Variants in SEMA6D observed in about 807,000 individuals in gnomAD.
SEMA6D encodes semaphorin 6D.
Under a neutral mutation model 106.6 loss-of-function variants are expected in SEMA6D, and 35 were observed. The ratio of observed to expected loss-of-function variants is 0.33; its 90% confidence interval spans 0.25 to 0.44. The LOEUF (loss-of-function observed/expected upper bound fraction) is 0.44, where lower values mean the gene tolerates loss of function less well. SEMA6D is among the 20% of genes least tolerant of loss of function. The pLI is 1.00. For synonymous variants in SEMA6D, 499 were observed against 487.7 expected, an observed-to-expected ratio of 1.02 and a Z score of -0.31; for missense variants, 1,185 against 1,345.9, an observed-to-expected ratio of 0.88 and a Z score of 1.87.
intron 4 of SEMA6D, among the ~76,000 whole-genome samples, chr15:47,696,673 A>C (rs1439395112): frequency 6.6e-6 from 1 of 152,130 alleles, no homozygotes; most frequent in Non-Finnish European, 1.5e-5. Context: ...GGGGATTGTT[A>C]CTTCAATTTT....
intron 3 of SEMA6D, among the ~76,000 whole-genome samples, chr15:47,519,517 G>A (rs542952441): frequency 3.9e-5 from 6 of 152,236 alleles, no homozygotes; most frequent in South Asian, 2.1e-4. Context: ...GTTTTATTCC[G>A]TAAACAACAT....
chr15:47,568,684 G>A (rs1049245568), intron 3 of SEMA6D, among the ~76,000 whole-genome samples: 7 of 152,000 alleles, frequency 4.6e-5, no homozygotes, highest in Middle Eastern at 3.4e-3. Flanking sequence ...AGTGAGTTTC[G>A]TATTTTGTTT....
chr15:47,567,792 A>G (rs898187495), intron 3 of SEMA6D, among the ~76,000 whole-genome samples: 1 of 152,220 alleles, frequency 6.6e-6, no homozygotes, highest in Non-Finnish European at 1.5e-5. Context: ...GGCCTGGGAT[A>G]TGGTAGGCCC....
At chr15:47,282,783 T>G (rs2035186645) in intron 1 of SEMA6D, among the ~76,000 whole-genome samples, 1 of 152,152 alleles carries the variant, frequency 6.6e-6, no homozygotes, top group African/African-American at 2.4e-5. Context: ...GTCTGTGTCT[T>G]TCCTTTGTCA....
At chr15:47,426,031 C>T (rs969432553) in intron 2 of SEMA6D, among the ~76,000 whole-genome samples, 1 of 152,016 alleles carries the variant, frequency 6.6e-6, no homozygotes, top group African/African-American at 2.4e-5. Context: ...CTTAGTTATG[C>T]TCTATATACT....
chr15:47,521,435 C>A (rs768710307), intron 3 of SEMA6D, among the ~76,000 whole-genome samples: 1 of 152,174 alleles, frequency 6.6e-6, no homozygotes, highest in Non-Finnish European at 1.5e-5. Flanking sequence ...AAACTCCTCT[C>A]GGATCTGACT....
chr15:47,436,866 T>C (rs2041727018), intron 2 of SEMA6D, among the ~76,000 whole-genome samples: 1 of 148,026 alleles, frequency 6.8e-6, no homozygotes, highest in African/African-American at 2.5e-5. Flanking sequence ...CCCAGAAGGT[T>C]GAGGTTGCAG....
chr15:47,451,575 T>C (rs2042193984), intron 2 of SEMA6D, among the ~76,000 whole-genome samples: 1 of 151,996 alleles, frequency 6.6e-6, no homozygotes, highest in South Asian at 2.1e-4. Flanking sequence ...AAAGGTTACA[T>C]AGGAGAGCAG....
intron 1 of SEMA6D, among the ~76,000 whole-genome samples, chr15:47,739,144 T>G (rs2080637534): frequency 6.6e-6 from 1 of 152,178 alleles, no homozygotes; most frequent in South Asian, 2.1e-4. Context: ...TAGCCCAGAT[T>G]CACAGGGAGG....
intron 1 of SEMA6D, among the ~76,000 whole-genome samples, chr15:47,369,129 A>G (rs901354280): frequency 6.6e-6 from 1 of 152,226 alleles, no homozygotes; most frequent in Non-Finnish European, 1.5e-5. Flanking sequence ...GTCAGAGGGT[A>G]GGGAAATGAA....
intron 1 of SEMA6D, among the ~76,000 whole-genome samples, chr15:47,387,035 C>T (rs112440001): frequency 2.0e-5 from 3 of 152,038 alleles, no homozygotes; most frequent in South Asian, 4.1e-4. Flanking sequence ...GGCCCTGCTG[C>T]GTGTGGCTCC....
intron 1 of SEMA6D, among the ~76,000 whole-genome samples, chr15:47,375,945 T>C (rs1052537997): frequency 1.3e-5 from 2 of 152,202 alleles, no homozygotes; most frequent in Non-Finnish European, 2.9e-5. Context: ...CAGAATGGGT[T>C]TGAATCCACT....
At chr15:47,511,045 G>T (rs1284229024) in intron 3 of SEMA6D, among the ~76,000 whole-genome samples, 1 of 152,200 alleles carries the variant, frequency 6.6e-6, no homozygotes, top group Non-Finnish European at 1.5e-5. Flanking sequence ...CCTTCTGAAT[G>T]AATGCCAACA....
chr15:47,626,995 G>A (rs536591931), intron 4 of SEMA6D, among the ~76,000 whole-genome samples: 65 of 152,116 alleles, frequency 4.3e-4, no homozygotes, highest in African/African-American at 1.4e-3. Context: ...AGAGAGTATC[G>A]TACCAAAGAA....
intron 2 of SEMA6D, among the ~76,000 whole-genome samples, chr15:47,462,563 C>T (rs1027977142): frequency 6.6e-6 from 1 of 152,012 alleles, no homozygotes; most frequent in African/African-American, 2.4e-5. Flanking sequence ...TTTCTTGTTT[C>T]CCTGCCATCA....
intron 4 of SEMA6D, among the ~76,000 whole-genome samples, chr15:47,691,230 G>T (rs900355977): frequency 6.6e-6 from 1 of 152,066 alleles, no homozygotes; most frequent in Non-Finnish European, 1.5e-5. Context: ...TGAAACCATG[G>T]TTTTTCAAAG....
At chr15:47,365,660 AG>A (rs1366090985) in intron 1 of SEMA6D, among the ~76,000 whole-genome samples, 1 of 152,068 alleles carries the variant, frequency 6.6e-6, no homozygotes, top group Non-Finnish European at 1.5e-5. Context: ...CAGGAGTTCA[AG>A]ACCAGCCTGG....
At chr15:47,727,209 G>A (rs775500128) in intron 1 of SEMA6D, among the ~76,000 whole-genome samples, 6 of 152,114 alleles carry the variant, frequency 3.9e-5, no homozygotes, top group Admixed American at 2.0e-4. Flanking sequence ...CTGTCGTCAC[G>A]CACATCTTTG....
chr15:47,204,838 T>C (rs1336174148), intron 1 of SEMA6D, among the ~76,000 whole-genome samples: 4 of 152,134 alleles, frequency 2.6e-5, no homozygotes, highest in Non-Finnish European at 4.4e-5. Context: ...GGGAGGATTA[T>C]AATTGGAGAA....
Sources: gnomAD v4.1 joint callset for allele counts (sites outside exome capture counted in the v4.1 genomes callset) on GRCh38, gnomAD v4.1.1 for gene constraint, MANE v1.5 for transcripts, NCBI Gene and HGNC (gene_info 2026-07-23, HGNC 2026-07-21) for gene names.